Variants in CRISP1 observed in about 807,000 individuals in gnomAD.
The protein encoded by CRISP1 is cysteine-rich secretory protein 1.
Under a neutral mutation model 33.1 loss-of-function variants are expected in CRISP1, and 44 were observed. The ratio of observed to expected loss-of-function variants is 1.33; its 90% CI spans 1.05 to 1.71. The LOEUF (loss-of-function observed/expected upper bound fraction) is 1.71, where lower values mean the gene tolerates loss of function less well. Ranked by LOEUF, CRISP1 falls within the 40% of genes most tolerant of loss-of-function variation. The pLI is 0.00. For missense variants in CRISP1, 390 were observed against 301.2 expected (o/e 1.29, Z -2.18); for synonymous variants, 103 against 98.7 (o/e 1.04, Z -0.26).
At chr6:49,859,014 G>C (rs755818606) in intron 1 of CRISP1, among the ~76,000 whole-genome samples, 3 of 152,074 alleles carry the variant, frequency 2.0e-5, no homozygotes, top group Non-Finnish European at 4.4e-5. Context: ...GCCTGGAAAG[G>C]CTCCTTAACA....
At chr6:49,875,489 A>C (rs1453244040) in intron 1 of CRISP1, among the ~76,000 whole-genome samples, 1 of 152,172 alleles carries the variant, frequency 6.6e-6, no homozygotes, top group Non-Finnish European at 1.5e-5. Flanking sequence ...TAATTTATAG[A>C]GTCAATGCTA....
intron 5 of CRISP1, 87 bp from the exon 6 acceptor site, chr6:49,841,082 A>T: frequency 8.2e-7 from 1 of 1,218,538 alleles, no homozygotes; most frequent in South Asian, 1.3e-5. Context: ...GATTAAAAGT[A>T]AACATGTTGC....
Position 49,852,144 on chromosome 6 carries a change from A to G in CRISP1, c.67-15T>C, listed in dbSNP as rs1308138050. On this transcript the variant is annotated splice_polypyrimidine_tract_variant and intron_variant, in intron 2 of 7. Transcript: ENST00000335847. Reference sequence around the variant, plus strand: ...GCTGATTTCTTCTGTTACCAGAAAAATATTAATTAGTGTTACTTCTTTTAA... The same window carrying G: ...GCTGATTTCTTCTGTTACCAGAAAAGTATTAATTAGTGTTACTTCTTTTAA... The G allele has an allele frequency of 6.2e-7, 1 of 1,608,038 alleles. No homozygotes were observed. The highest frequency in any genetic ancestry group is 8.5e-7 in the Non-Finnish European group (1 of 1,177,962).
At chr6:49,857,115 T>C (rs1771517030) in intron 2 of CRISP1, among the ~76,000 whole-genome samples, 1 of 152,164 alleles carries the variant, frequency 6.6e-6, no homozygotes, top group South Asian at 2.1e-4. Flanking sequence ...GTCCTAGTCC[T>C]CAGATATTGG....
rs1379961541 is a variant in CRISP1 at position 49,846,560 on chromosome 6, G to C, written c.395C>G (p.Thr132Arg). The part of the protein sequence containing the change: ...ESTSFKHGEW[T>R]TTDDDITTDH... ...AGTAGTTATGTCATCATCCGTTGTT[G>C]TCCATTCTCCATGTTTGAAACTTGT... Residue 132 changes from threonine (T) to arginine (R), a missense_variant, in exon 5 of 8, where the codon ACA (threonine) becomes AGA (arginine). Physicochemically the swap from Thr to Arg is moderately conservative, Grantham distance 71. Coordinates refer to ENST00000335847, the MANE Select transcript of CRISP1 (RefSeq NM_001131.3). 2 of 1,613,406 alleles carry C rather than the reference G, an allele frequency of 1.2e-6. No homozygotes were observed. Among genetic ancestry groups the C allele is most frequent in the Non-Finnish European group, 1.7e-6 (2 of 1,179,706 alleles).
intron 5 of CRISP1, 38 bp downstream of exon 5, chr6:49,846,482 T>C: frequency 6.3e-7 from 1 of 1,595,332 alleles, no homozygotes; most frequent in Non-Finnish European, 8.6e-7. Flanking sequence ...CATGCTTATC[T>C]CTTAAACAAT....
intron 1 of CRISP1, among the ~76,000 whole-genome samples, chr6:49,872,642 A>G (rs996997847): frequency 3.3e-5 from 5 of 152,096 alleles, no homozygotes; most frequent in African/African-American, 1.2e-4. Flanking sequence ...TCCCAGCACC[A>G]TTTATTAAAT....
At chr6:49,855,238 C>T (rs1262465810) in intron 2 of CRISP1, among the ~76,000 whole-genome samples, 3 of 152,156 alleles carry the variant, frequency 2.0e-5, no homozygotes, top group Non-Finnish European at 4.4e-5. Flanking sequence ...CTCTCTCCCA[C>T]TCCGTGATCC....
chr6:49,850,186 A>G (rs1771307752), intron 3 of CRISP1, among the ~76,000 whole-genome samples: 1 of 151,902 alleles, frequency 6.6e-6, no homozygotes, highest in Non-Finnish European at 1.5e-5. Flanking sequence ...AGCATGGCAC[A>G]TGTATACATA....
chr6:49,856,036 T>C (rs891468639), intron 2 of CRISP1, among the ~76,000 whole-genome samples: 6 of 152,226 alleles, frequency 3.9e-5, no homozygotes, highest in South Asian at 4.1e-4. Flanking sequence ...TTCTCTGTTA[T>C]AGAGCATCAA....
Position 49,834,771 on chromosome 6 carries a change from G to A in CRISP1, c.*545C>T, listed in dbSNP as rs992752914. ...TTTTATTGTTTCTTGCTTCACAAAT[G>A]TATATATAGATGTGTCAATAAAACA... On this transcript the variant is annotated 3_prime_UTR_variant, in exon 8 of 8. Coordinates refer to ENST00000335847, the MANE Select transcript of CRISP1 (RefSeq NM_001131.3). 2.6e-5 allele frequency: 4 copies of A among 152,274 alleles called. No homozygotes were observed. Among genetic ancestry groups the A allele is most frequent in the East Asian group, 3.9e-4 (2 of 5,182 alleles). The allele number at this position is 152,274 out of a possible 1,614,324, so 9.4% of individuals were successfully genotyped here. A position where few individuals can be genotyped will look rare whatever the true frequency, so the allele number is the denominator to read the frequency against.
At chr6:49,839,612 A>G (rs1770918961) in intron 6 of CRISP1, among the ~76,000 whole-genome samples, 1 of 152,200 alleles carries the variant, frequency 6.6e-6, no homozygotes, top group African/African-American at 2.4e-5. Flanking sequence ...CTAAAATTTC[A>G]CTTTGAAAAG....
In CRISP1 at chr6:49,850,232, A is replaced by C. The variant is rs144988516; in HGVS notation, c.195+1769T>G. On this transcript the variant is annotated intron_variant, in intron 3 of 7. Coordinates refer to ENST00000335847, the MANE Select transcript of CRISP1 (RefSeq NM_001131.3). ...CTGCACATTGTGCACATGTACCCTA[A>C]AACTTAAAGTATAATAATAATAAAA... is the stretch of plus-strand genomic sequence containing the variant. Among the ~76,000 whole-genome samples the C allele has an allele frequency of 7.6e-3, 1,156 of 152,142 alleles. 14 individuals are homozygous for C. Among genetic ancestry groups the C allele is most frequent in the African/African-American group, 0.026 (1,068 of 41,508 alleles).
upstream of CRISP1, among the ~76,000 whole-genome samples, chr6:49,871,341 T>A (rs1226203533): frequency 6.6e-6 from 1 of 152,188 alleles, no homozygotes; most frequent in Non-Finnish European, 1.5e-5. Flanking sequence ...ATAGACATAG[T>A]AATGAGGACA....
intron 3 of CRISP1, among the ~76,000 whole-genome samples, chr6:49,850,250 T>C (rs1489608369): frequency 2.0e-5 from 3 of 151,800 alleles, no homozygotes; most frequent in African/African-American, 7.3e-5. Context: ...AGTATAATAA[T>C]AATAAAATAA....
At chr6:49,846,708 T>C (rs772995900) in intron 4 of CRISP1, 40 bp from the exon 5 acceptor site, 5 of 1,591,710 alleles carry the variant, frequency 3.1e-6, no homozygotes, top group Non-Finnish European at 4.3e-6. Context: ...TCTGAACAAA[T>C]GGGAAATAGT....
intron 2 of CRISP1, among the ~76,000 whole-genome samples, chr6:49,855,763 G>A (rs1278169299): frequency 6.6e-6 from 1 of 152,092 alleles, no homozygotes; most frequent in East Asian, 1.9e-4. Flanking sequence ...AAAAAACACT[G>A]CCACTGGTGG....
chr6:49,847,929 C>CT (rs1271098305), intron 4 of CRISP1, among the ~76,000 whole-genome samples: 1 of 152,136 alleles, frequency 6.6e-6, no homozygotes, highest in African/African-American at 2.4e-5. Context: ...GCTCACTCCA[C>CT]TCTTCTGCAA....
rs1463195417 is a variant in CRISP1 at position 49,857,352 on chromosome 6, G to T, written c.49C>A (p.Pro17Thr). ...LFLVAAACLL[P>T]MLSMKKKSAR... ...TCACATACTTTCATGGACAACATAG[G>T]CAGTAAGCAAGCAGCAGCAACCAAA... Residue 17 changes from proline (P) to threonine (T), a missense_variant, in exon 2 of 8, where the codon CCT becomes ACT. Coordinates refer to ENST00000335847, the MANE Select transcript of CRISP1 (RefSeq NM_001131.3). 2 of 1,612,884 alleles carry T rather than the reference G, an allele frequency of 1.2e-6. No homozygotes were observed. The highest frequency in any genetic ancestry group is 1.7e-6 in the Non-Finnish European group (2 of 1,179,190).
Sources: gnomAD v4.1 joint callset for allele counts (sites outside exome capture counted in the v4.1 genomes callset) on GRCh38, gnomAD v4.1.1 for gene constraint, MANE v1.5 for transcripts, NCBI Gene and HGNC (gene_info 2026-07-23, HGNC 2026-07-21) for gene names.